LINGO2: variants seen among roughly 807,000 people sequenced by gnomAD.
LINGO2 encodes leucine rich repeat and Ig domain containing 2.
Under a neutral mutation model 30.6 loss-of-function variants are expected in LINGO2, and 14 were observed. The ratio of observed to expected loss-of-function variants is 0.46; its 90% CI spans 0.30 to 0.72. LINGO2 has a LOEUF of 0.72. Among genes scored for constraint, LINGO2 ranks in the 30% least tolerant of loss-of-function variants. The probability of loss-of-function intolerance (pLI) is 0.07; values close to 1 mark genes in which losing one functional copy is unlikely to be tolerated. For missense variants in LINGO2, 729 were observed against 751.7 expected (o/e 0.97, Z 0.35); for synonymous variants, 317 against 288.5 (o/e 1.10, Z -1.00).
chr9:28,271,910 G>A (rs758816650), intron 4 of LINGO2, among the ~76,000 whole-genome samples: 25 of 152,172 alleles, frequency 1.6e-4, no homozygotes, highest in Non-Finnish European at 3.2e-4. Flanking sequence ...AATCTGCACT[G>A]TAACAGAATG....
At chr9:28,543,381 T>C (rs989379063) in intron 1 of LINGO2, among the ~76,000 whole-genome samples, 6 of 152,116 alleles carry the variant, frequency 3.9e-5, no homozygotes, top group African/African-American at 1.4e-4. Flanking sequence ...GGCTTTAAAA[T>C]ATTTTATTCA....
intron 1 of LINGO2, among the ~76,000 whole-genome samples, chr9:28,640,408 C>T (rs1827514101): frequency 2.0e-5 from 3 of 152,148 alleles, no homozygotes; most frequent in South Asian, 4.2e-4. Context: ...TAATATCCTG[C>T]AGAGTGTTTT....
chr9:28,096,337 ATG>A (rs1249054577), intron 4 of LINGO2, among the ~76,000 whole-genome samples: 3 of 152,154 alleles, frequency 2.0e-5, no homozygotes, highest in Non-Finnish European at 4.4e-5. Context: ...TACACTACAT[ATG>A]TAATTTTATT....
the LINGO2 span, among the ~76,000 whole-genome samples, chr9:29,117,053 T>G: frequency 1 from 151,805 of 152,212 alleles, 75,700 homozygotes; most frequent in Middle Eastern, 1. Flanking sequence ...CTCCTTTATA[T>G]GATTACTATA....
the LINGO2 span, among the ~76,000 whole-genome samples, chr9:28,727,227 T>C: frequency 6.6e-6 from 1 of 152,120 alleles, no homozygotes; most frequent in Non-Finnish European, 1.5e-5. Flanking sequence ...AATAGGCAGC[T>C]GGGAATAGCG....
intron 4 of LINGO2, among the ~76,000 whole-genome samples, chr9:28,275,520 T>A (rs1402928068): frequency 6.6e-6 from 1 of 152,142 alleles, no homozygotes; most frequent in East Asian, 1.9e-4. Flanking sequence ...CCTTTCTACC[T>A]TTTTAACACT....
At chr9:28,508,590 G>C (rs998984638) in intron 1 of LINGO2, among the ~76,000 whole-genome samples, 1 of 151,646 alleles carries the variant, frequency 6.6e-6, no homozygotes, top group African/African-American at 2.4e-5. Flanking sequence ...CTAACTACTG[G>C]AATTAGTCTT....
chr9:28,754,257 A>G, the LINGO2 span, among the ~76,000 whole-genome samples: 1 of 152,076 alleles, frequency 6.6e-6, no homozygotes, highest in Non-Finnish European at 1.5e-5. Context: ...CATTTTACAA[A>G]TAAAGAAGTT....
chr9:29,099,545 TTAA>T, the LINGO2 span, among the ~76,000 whole-genome samples: 1 of 151,880 alleles, frequency 6.6e-6, no homozygotes, highest in South Asian at 2.1e-4. Flanking sequence ...TGAAAAAAAA[TTAA>T]TAATCCAATT....
At chr9:29,000,072 T>C in the LINGO2 span, among the ~76,000 whole-genome samples, 6 of 152,042 alleles carry the variant, frequency 3.9e-5, no homozygotes, top group African/African-American at 1.4e-4. Flanking sequence ...CATGAATGTA[T>C]GATTAATGAC....
the LINGO2 span, among the ~76,000 whole-genome samples, chr9:29,043,879 A>G: frequency 6.6e-6 from 1 of 152,060 alleles, no homozygotes; most frequent in South Asian, 2.1e-4. Flanking sequence ...AATGCAATGA[A>G]CAATGCACTG....
At chr9:28,986,456 T>C in the LINGO2 span, among the ~76,000 whole-genome samples, 6,283 of 152,130 alleles carry the variant, frequency 0.041, 201 homozygotes, top group Admixed American at 0.083. Flanking sequence ...CTGTAGTTCA[T>C]TTTAGGTAGT....
chr9:28,360,281 A>G (rs117569329), intron 3 of LINGO2, among the ~76,000 whole-genome samples: 2 of 152,212 alleles, frequency 1.3e-5, no homozygotes, highest in African/African-American at 4.8e-5. Flanking sequence ...AGCCAGAGAA[A>G]GGACTCCATC....
intron 4 of LINGO2, among the ~76,000 whole-genome samples, chr9:28,231,866 G>C (rs1821367760): frequency 6.6e-6 from 1 of 151,584 alleles, no homozygotes; most frequent in African/African-American, 2.4e-5. Context: ...TGATTGCTAG[G>C]CATCTTAAAA....
chr9:28,263,448 C>A (rs1249707031), intron 4 of LINGO2, among the ~76,000 whole-genome samples: 1 of 152,032 alleles, frequency 6.6e-6, no homozygotes, highest in Middle Eastern at 3.4e-3. Flanking sequence ...TTATGCAGGA[C>A]GTGTACATGA....
At chr9:28,330,689 T>C (rs1369631961) in intron 3 of LINGO2, among the ~76,000 whole-genome samples, 11 of 152,178 alleles carry the variant, frequency 7.2e-5, no homozygotes, top group Admixed American at 7.2e-4. Context: ...CTGTGACACC[T>C]GGACATGGTG....
chr9:28,183,727 A>G (rs778060127), intron 4 of LINGO2, among the ~76,000 whole-genome samples: 28 of 152,210 alleles, frequency 1.8e-4, no homozygotes, highest in Admixed American at 3.9e-4. Context: ...TGTCTCTGAA[A>G]GGAATTATAC....
intron 5 of LINGO2, among the ~76,000 whole-genome samples, chr9:27,972,554 GA>G (rs1399626241): frequency 6.6e-6 from 1 of 152,148 alleles, no homozygotes; most frequent in African/African-American, 2.4e-5. Flanking sequence ...GACAGTGATG[GA>G]CACCCTGTGA....
At chr9:28,357,625 T>C (rs1215229520) in intron 3 of LINGO2, among the ~76,000 whole-genome samples, 1 of 152,134 alleles carries the variant, frequency 6.6e-6, no homozygotes, top group Non-Finnish European at 1.5e-5. Flanking sequence ...ACTTAGATAA[T>C]GATATTTTTA....
Sources: allele counts gnomAD v4.1 joint callset (sites outside exome capture counted in the v4.1 genomes callset), GRCh38; gene constraint gnomAD v4.1.1; transcripts MANE v1.5; gene names NCBI Gene and HGNC (gene_info 2026-07-23, HGNC 2026-07-21).